Variants in DPP10 observed in about 807,000 individuals in gnomAD.
The protein encoded by DPP10 is dipeptidyl peptidase like 10.
A neutral mutation model predicts 120.9 loss-of-function variants in DPP10; 33 were observed. The ratio of observed to expected loss-of-function variants is 0.27; its 90% CI spans 0.21 to 0.37. The LOEUF is 0.37. Ranked by LOEUF, DPP10 falls within the 10% of genes least tolerant of loss-of-function variation. The probability of loss-of-function intolerance (pLI) is 1.00; values close to 1 mark genes in which losing one functional copy is unlikely to be tolerated. For missense variants in DPP10, 816 were observed against 942.8 expected, an observed-to-expected ratio of 0.87 and a Z score of 1.76; for synonymous variants, 337 against 326.1, an observed-to-expected ratio of 1.03 and a Z score of -0.36.
intron 1 of DPP10, among the ~76,000 whole-genome samples, chr2:115,117,578 C>T (rs1009435319): frequency 5.9e-5 from 9 of 152,214 alleles, no homozygotes; most frequent in African/African-American, 1.4e-4. Flanking sequence ...ACTGCACTCC[C>T]GCCTGGGTGA....
At chr2:115,747,841 C>T (rs1678192975) in intron 10 of DPP10, among the ~76,000 whole-genome samples, 1 of 152,154 alleles carries the variant, frequency 6.6e-6, no homozygotes, top group South Asian at 2.1e-4. Context: ...GATCCGCCCG[C>T]CTTGGCCTCC....
intron 1 of DPP10, among the ~76,000 whole-genome samples, chr2:115,300,855 T>C (rs915945588): frequency 6.6e-6 from 1 of 152,058 alleles, no homozygotes; most frequent in South Asian, 2.1e-4. Context: ...TCCAGAGATT[T>C]ATTTTGATCT....
chr2:115,672,956 C>CCAGG (rs1448903032), intron 5 of DPP10, among the ~76,000 whole-genome samples: 2 of 151,930 alleles, frequency 1.3e-5, no homozygotes, highest in African/African-American at 4.8e-5. Flanking sequence ...ACCACGCTGG[C>CCAGG]CAGGCTGGTC....
intron 1 of DPP10, among the ~76,000 whole-genome samples, chr2:114,885,406 C>A (rs992757270): frequency 6.6e-6 from 1 of 152,136 alleles, no homozygotes; most frequent in Non-Finnish European, 1.5e-5. Context: ...ACCAGGTCCC[C>A]CCTTCAGTAC....
chr2:115,520,363 A>C (rs2077734171), intron 4 of DPP10, among the ~76,000 whole-genome samples: 1 of 152,116 alleles, frequency 6.6e-6, no homozygotes, highest in Admixed American at 6.6e-5. Flanking sequence ...GTGAATATTT[A>C]GGGAGTTTGA....
chr2:114,794,462 C>T (rs1683519232), intron 1 of DPP10, among the ~76,000 whole-genome samples: 8 of 152,086 alleles, frequency 5.3e-5, no homozygotes, highest in Admixed American at 5.2e-4. Flanking sequence ...TTCCATTGAT[C>T]CAAAAATAAT....
At chr2:115,126,671 G>A (rs559908387) in intron 1 of DPP10, among the ~76,000 whole-genome samples, 1 of 152,116 alleles carries the variant, frequency 6.6e-6, no homozygotes, top group South Asian at 2.1e-4. Context: ...TTGCTGTTCC[G>A]ATGCTCTCTC....
intron 5 of DPP10, among the ~76,000 whole-genome samples, chr2:115,687,898 G>A (rs2091091372): frequency 6.6e-6 from 1 of 151,980 alleles, no homozygotes; most frequent in Non-Finnish European, 1.5e-5. Flanking sequence ...GCCAGGTACA[G>A]TGTGGTAGGT....
rs529492902 is a variant in DPP10, at chr2:114,555,376, G to A, written c.60+112538G>A. Among the ~76,000 whole-genome samples, 5 of 152,196 alleles carry A rather than the reference G, an allele frequency of 3.3e-5. No homozygotes were observed. The South Asian group carries it at 6.2e-4, about 19-fold the overall frequency. ...GACTGGCAAGATCTCCACCTTCAAG[G>A]GTCTTATATTGTAGTGGGGAAGACA... On this transcript the variant is annotated intron_variant, in intron 1 of 25. Coordinates refer to ENST00000410059, the MANE Select transcript of DPP10 (RefSeq NM_020868.6).
chr2:115,596,129 T>G (rs1256215294), intron 5 of DPP10, among the ~76,000 whole-genome samples: 1 of 152,160 alleles, frequency 6.6e-6, no homozygotes, highest in Non-Finnish European at 1.5e-5. Context: ...GCCTAGAATC[T>G]AATAGTTGTA....
At chr2:115,281,807 G>A (rs918247488) in intron 1 of DPP10, among the ~76,000 whole-genome samples, 2 of 151,984 alleles carry the variant, frequency 1.3e-5, no homozygotes, top group Admixed American at 6.6e-5. Flanking sequence ...ATAAAGTTAC[G>A]TGCAGAAAAC....
chr2:114,863,976 G>A (rs2106538956), intron 1 of DPP10, among the ~76,000 whole-genome samples: 1 of 152,210 alleles, frequency 6.6e-6, no homozygotes, highest in East Asian at 1.9e-4. Context: ...TCAACTAATT[G>A]AAGGACCTTT....
intron 1 of DPP10, among the ~76,000 whole-genome samples, chr2:114,707,399 T>C (rs1332499590): frequency 6.6e-6 from 1 of 152,236 alleles, no homozygotes; most frequent in Admixed American, 6.5e-5. Flanking sequence ...CTAATATTTG[T>C]ATTATGAATT....
intron 1 of DPP10, among the ~76,000 whole-genome samples, chr2:114,662,270 G>A (rs1697471785): frequency 1.3e-5 from 2 of 152,204 alleles, no homozygotes; most frequent in South Asian, 2.1e-4. Context: ...GAAGAAACCC[G>A]AAGGAGTAAA....
chr2:115,378,534 T>A (rs988830877), intron 3 of DPP10, among the ~76,000 whole-genome samples: 1 of 151,638 alleles, frequency 6.6e-6, no homozygotes, highest in African/African-American at 2.4e-5. Flanking sequence ...CCTAATTGAA[T>A]ACCCTTTATT....
intron 1 of DPP10, among the ~76,000 whole-genome samples, chr2:114,699,248 C>T (rs1026629700): frequency 2.6e-5 from 4 of 151,888 alleles, no homozygotes; most frequent in African/African-American, 7.3e-5. Context: ...TATATGTATG[C>T]GTTTGTATAA....
rs377610551 is a variant in DPP10, at chr2:115,591,755, A to T, written c.441+65783A>T. On this transcript the variant is annotated intron_variant, in intron 5 of 25. Coordinates refer to ENST00000410059, the MANE Select transcript of DPP10 (RefSeq NM_020868.6). ...ATAAATTATCTTGGGCAGTATGGCC[A>T]TTTTCACGATATTAATTCTTCCTAT... Among the ~76,000 whole-genome samples, 8 of 152,258 alleles carry T rather than the reference A, an allele frequency of 5.3e-5. No homozygotes were observed. In the East Asian group the frequency reaches 1.2e-3, roughly 22 times the overall value.
intron 5 of DPP10, among the ~76,000 whole-genome samples, chr2:115,637,502 G>A (rs1033262307): frequency 1.2e-4 from 18 of 152,134 alleles, no homozygotes; most frequent in African/African-American, 4.3e-4. Context: ...TACAATCCAG[G>A]TGATAGAGTA....
At chr2:115,477,661 T>C (rs767027112) in intron 3 of DPP10, among the ~76,000 whole-genome samples, 39 of 152,230 alleles carry the variant, frequency 2.6e-4, no homozygotes, top group Non-Finnish European at 8.8e-5. Context: ...CTAAAACTTA[T>C]ATGGAATCTT....
Sources: allele counts gnomAD v4.1 joint callset (sites outside exome capture counted in the v4.1 genomes callset), GRCh38; gene constraint gnomAD v4.1.1; transcripts MANE v1.5; gene names NCBI Gene and HGNC (gene_info 2026-07-23, HGNC 2026-07-21).